Variants in CCT6A observed in about 807,000 individuals in gnomAD.
CCT6A encodes the protein chaperonin containing TCP1 subunit 6A.
Under a neutral mutation model 58.6 loss-of-function variants are expected in CCT6A, and 6 were observed. The observed-to-expected ratio is 0.10, with a 90% CI of 0.06 to 0.20. CCT6A has a LOEUF of 0.20. Among genes scored for constraint, CCT6A ranks in the 10% least tolerant of loss-of-function variants. The pLI is 1.00. For missense variants in CCT6A, 516 were observed against 648.8 expected (o/e 0.80, Z 2.22); for synonymous variants, 245 against 227.8 (o/e 1.08, Z -0.68).
rs756960008 is a variant in CCT6A, at chr7:56,061,833, T to G, written c.1434T>G (p.Gly478=). ...ATTCAGAATCAGGTCAGCTTGTGGG[T>G]GTGGACCTGAACACAGGTAAGAGAA... ...AEHSESGQLV[G]VDLNTGEPMV... The change falls in exon 12 of 14, where the codon GGT becomes GGG. Residue 478 remains glycine (G), a synonymous_variant. Coordinates refer to ENST00000275603, the MANE Select transcript of CCT6A (RefSeq NM_001762.4). The G allele has an allele frequency of 1.6e-5, 26 of 1,594,516 alleles. No individual in the cohort carries two copies. The highest frequency in any genetic ancestry group is 2.1e-5 in the Non-Finnish European group (25 of 1,167,312).
chr7:56,062,024 TTAAG>T lies in CCT6A; in HGVS notation c.1450+176_1450+179del, dbSNP rs1794452583. 4 of 471,032 alleles carry T rather than the reference TTAAG, an allele frequency of 8.5e-6. No individual in the cohort carries two copies. In the Admixed American group the frequency reaches 1.6e-4, roughly 19 times the overall value. 29.2% of individuals were successfully genotyped at this position (471,032 alleles called of 1,614,324 possible). A position where few individuals can be genotyped will look rare whatever the true frequency, so the allele number is the denominator to read the frequency against. ...TAAAAAATGGAATGACTAGGTATAA[TTAAG>T]GGACGAGTAGACATGAGTAATTTGG... On this transcript the variant is annotated intron_variant, in intron 12 of 13. Coordinates refer to ENST00000275603, the MANE Select transcript of CCT6A (RefSeq NM_001762.4).
chr7:56,058,267 G>A, intron 6 of CCT6A, 95 bp from the exon 7 acceptor site: 1 of 974,628 alleles, frequency 1.0e-6, no homozygotes, highest in Non-Finnish European at 1.5e-6. Context: ...CAGGATTGGA[G>A]CTCAGTGAAC....
At chr7:56,059,971 A>G in intron 9 of CCT6A, 1 of 434,376 alleles carries the variant, frequency 2.3e-6, no homozygotes, top group Non-Finnish European at 4.1e-6. Context: ...CAAAGTGCTG[A>G]GATTACAGGC....
At chr7:56,062,658 A>C (rs765640849) in intron 12 of CCT6A, 25 bp from the exon 13 acceptor site, 79 of 1,599,926 alleles carry the variant, frequency 4.9e-5, no homozygotes, top group Middle Eastern at 3.3e-4. Context: ...GACTGAACTT[A>C]TTTTAAGATT....
intron 10 of CCT6A, 38 bp from the exon 11 acceptor site, chr7:56,060,769 A>G (rs764581289): frequency 3.0e-5 from 48 of 1,583,926 alleles, no homozygotes; most frequent in Non-Finnish European, 4.0e-5. Flanking sequence ...TTAGTTCTGC[A>G]GTTTTCTTAG....
At chr7:56,054,860 G>T (rs1794270881) in intron 3 of CCT6A, among the ~76,000 whole-genome samples, 3 of 152,342 alleles carry the variant, frequency 2.0e-5, no homozygotes, top group African/African-American at 7.2e-5. Flanking sequence ...GCCCTGACTA[G>T]TTCCAAGGTT....
At chr7:56,056,547 A>G (rs6960348) in intron 5 of CCT6A, 133 bp downstream of exon 5, 135,076 of 594,498 alleles carry the variant, frequency 0.23, 16,231 homozygotes, top group East Asian at 0.37. Context: ...ACATGGGGAA[A>G]CCCCGTCTCT....
At position 56,063,038 on chromosome 7, in the gene CCT6A, T is replaced by C. The variant is rs1021541930; in HGVS notation, c.1549T>C (p.Leu517=). 1 of 1,612,756 alleles carries C rather than the reference T, an allele frequency of 6.2e-7. No individual in the cohort carries two copies. The highest frequency in any genetic ancestry group is 1.3e-5 in the African/African-American group (1 of 74,918). ...SCTVIATNIL[L]VDEIMRAGMS... Reference sequence around the variant, plus strand: ...CACTGTGATTGCCACCAACATTCTCTTGGTTGATGAGATCATGCGAGCTGG... The same window carrying C: ...CACTGTGATTGCCACCAACATTCTCCTGGTTGATGAGATCATGCGAGCTGG... Residue 517 remains leucine (L), a synonymous_variant, in exon 14 of 14, where the codon TTG becomes CTG. Transcript: ENST00000275603.
chr7:56,058,309 A>G (rs1313422589), intron 6 of CCT6A, 53 bp from the exon 7 acceptor site: 28 of 1,342,294 alleles, frequency 2.1e-5, no homozygotes, highest in Non-Finnish European at 2.8e-5. Flanking sequence ...CAGTTTCAGA[A>G]GCTGCTTTCT....
intron 3 of CCT6A, chr7:56,055,332 C>T (rs1794282622): frequency 2.4e-6 from 1 of 418,998 alleles, no homozygotes; most frequent in African/African-American, 2.0e-5. Context: ...GTTGTTGGGA[C>T]ACAGTGTTGG....
chr7:56,055,522 G>A (rs1794287398), intron 3 of CCT6A, 102 bp from the exon 4 acceptor site: 3 of 954,026 alleles, frequency 3.1e-6, no homozygotes, highest in East Asian at 2.4e-5. Flanking sequence ...GTGTTCAAAG[G>A]TATGATGATC....
In CCT6A at chr7:56,051,787, C is replaced by A. The variant is rs180755860; in HGVS notation, c.-62C>A. 6.5e-7 allele frequency: 1 copy of A among 1,531,722 alleles called. No homozygotes were observed. Among genetic ancestry groups the A allele is most frequent in the Non-Finnish European group, 8.8e-7 (1 of 1,138,390 alleles). 94.9% of individuals were successfully genotyped at this position (1,531,722 alleles called of 1,614,324 possible). On this transcript the variant is annotated 5_prime_UTR_variant, in exon 1 of 14. Transcript: ENST00000275603. ...TCCAGAAGACCCGGATAGTTCCTCC[C>A]GGCCACGCCGCGCCGGCTCTGGGCA...
chr7:56,053,006 C>G (rs1445416102), intron 2 of CCT6A, among the ~76,000 whole-genome samples: 2 of 152,110 alleles, frequency 1.3e-5, no homozygotes, highest in African/African-American at 2.4e-5. Flanking sequence ...GTTGGCCAGG[C>G]TGGTCTTGAA....
chr7:56,055,822 C>T (rs757320999), intron 4 of CCT6A, 25 bp downstream of exon 4: 3 of 1,556,794 alleles, frequency 1.9e-6, no homozygotes, highest in South Asian at 1.1e-5. Flanking sequence ...TTGTCTATGT[C>T]TGGTATAGTA....
chr7:56,054,663 G>A (rs1794266518), intron 3 of CCT6A, among the ~76,000 whole-genome samples, 160 bp downstream of exon 3: 1 of 152,142 alleles, frequency 6.6e-6, no homozygotes, highest in African/African-American at 2.4e-5. Context: ...TGTGACCTTG[G>A]ACAGGTTATA....
intron 6 of CCT6A, 62 bp downstream of exon 6, chr7:56,058,165 T>G: frequency 1.9e-6 from 2 of 1,043,952 alleles, no homozygotes; most frequent in East Asian, 4.9e-5. Context: ...GAGTTACTTT[T>G]TTGTGAAACT....
At position 56,060,500 on chromosome 7, in the gene CCT6A, G is replaced by C. The variant is rs768444501; in HGVS notation, c.1213+84G>C. On this transcript the variant is annotated intron_variant, in intron 10 of 13. Coordinates refer to ENST00000275603, the MANE Select transcript of CCT6A (RefSeq NM_001762.4). ...GCCGAATACTGTGTTTTTATCAGTA[G>C]TTTACACAGCCAGACACCATGCAAA... The C allele has an allele frequency of 6.4e-6, 9 of 1,412,560 alleles. No homozygotes were observed. In the South Asian group the frequency reaches 1.0e-4, roughly 16 times the overall value. 87.5% of individuals were successfully genotyped at this position (1,412,560 alleles called of 1,614,324 possible).
intron 6 of CCT6A, 95 bp downstream of exon 6, chr7:56,058,198 T>A: frequency 1.1e-6 from 1 of 912,396 alleles, no homozygotes. Flanking sequence ...GTAAGGACAA[T>A]AATGCTCAAA....
intron 5 of CCT6A, among the ~76,000 whole-genome samples, chr7:56,057,361 GGTGTGTGTGT>G (rs55848963): frequency 1.3e-5 from 2 of 150,766 alleles, no homozygotes; most frequent in African/African-American, 4.9e-5. Context: ...TTCCCTTTGG[GGTGTGTGTGT>G]GTGTGTGTCT....
Sources: allele counts gnomAD v4.1 joint callset (sites outside exome capture counted in the v4.1 genomes callset), GRCh38; gene constraint gnomAD v4.1.1; transcripts MANE v1.5; gene names NCBI Gene and HGNC (gene_info 2026-07-23, HGNC 2026-07-21).